The following AKAP13 variants were observed in gnomAD, a reference collection of about 807,000 sequenced individuals.
The protein encoded by AKAP13 is A-kinase anchoring protein 13.
Under a neutral mutation model 264.5 loss-of-function variants are expected in AKAP13, and 80 were observed. The observed-to-expected ratio is 0.30, with a 90% CI of 0.25 to 0.36. The LOEUF (loss-of-function observed/expected upper bound fraction) is 0.36, where lower values mean the gene tolerates loss of function less well. Among genes scored for constraint, AKAP13 ranks in the 10% least tolerant of loss-of-function variants. The pLI, the probability that AKAP13 is intolerant of heterozygous loss-of-function variation, is 1.00. For synonymous variants in AKAP13, 1,380 were observed against 1,250.2 expected (o/e 1.10, Z -2.19); for missense variants, 3,712 against 3,435.2 (o/e 1.08, Z -2.01).
chr15:85,426,593 G>A (rs2072789824), intron 1 of AKAP13, among the ~76,000 whole-genome samples: 1 of 152,128 alleles, frequency 6.6e-6, no homozygotes, highest in East Asian at 1.9e-4. Flanking sequence ...AAATGTAAAT[G>A]AGAGAAAATA....
Position 85,727,203 on chromosome 15 carries a change from A to G in AKAP13, c.6960A>G (p.Glu2320=). 6.2e-7 allele frequency: 1 copy of G among 1,614,198 alleles called. No homozygotes were observed. ...MVEVHASSKE[E]RNSWIQIIQD... ...AAGTCCATGCCAGCTCCAAAGAGGA[A>G]CGAAACAGCTGGATTCAGATCATTC... The change falls in exon 28 of 37, where the codon GAA becomes GAG. Residue 2320 remains glutamate (E), a synonymous_variant. Coordinates refer to ENST00000394518, the MANE Select transcript of AKAP13 (RefSeq NM_007200.5). The surrounding 1 kb of genome is among the most constrained non-coding windows in gnomAD (Gnocchi z 5.3).
At chr15:85,433,951 A>T (rs1196901940) in intron 1 of AKAP13, among the ~76,000 whole-genome samples, 1 of 151,982 alleles carries the variant, frequency 6.6e-6, no homozygotes, top group African/African-American at 2.4e-5. Flanking sequence ...AAAAAATAAA[A>T]AAATAAAAAA....
chr15:85,498,273 TA>T (rs2075944845), intron 2 of AKAP13, among the ~76,000 whole-genome samples: 1 of 150,324 alleles, frequency 6.7e-6, no homozygotes, highest in African/African-American at 2.4e-5. Context: ...TAGGTGGTTT[TA>T]AAAAGAGACG....
intron 1 of AKAP13, among the ~76,000 whole-genome samples, chr15:85,401,468 A>G (rs777922668): frequency 1.3e-5 from 2 of 152,114 alleles, no homozygotes; most frequent in Non-Finnish European, 2.9e-5. Flanking sequence ...GCCAGCTTTG[A>G]TTTGTTTTCT....
At chr15:85,651,293 CAATT>C (rs2082831467) in intron 10 of AKAP13, among the ~76,000 whole-genome samples, 1 of 152,132 alleles carries the variant, frequency 6.6e-6, no homozygotes, top group Admixed American at 6.5e-5. Context: ...TTAGATCCTA[CAATT>C]AACTTTTAAT....
chr15:85,560,297 C>T (rs1451246458), intron 5 of AKAP13, among the ~76,000 whole-genome samples: 3 of 151,990 alleles, frequency 2.0e-5, no homozygotes, highest in East Asian at 1.9e-4. Flanking sequence ...CAGGTGTGCA[C>T]CACCAGGCCG....
At chr15:85,643,153 A>G (rs531429220) in intron 9 of AKAP13, among the ~76,000 whole-genome samples, 4 of 152,076 alleles carry the variant, frequency 2.6e-5, no homozygotes, top group African/African-American at 9.6e-5. Context: ...TTTTTAAATG[A>G]AAGATTTTCA....
At position 85,581,589 on chromosome 15, in the gene AKAP13, C is replaced by T; in HGVS notation, c.3521C>T (p.Ala1174Val). The T allele has an allele frequency of 6.2e-7, 1 of 1,614,144 alleles. No homozygotes were observed. The highest frequency in any genetic ancestry group is 8.5e-7 in the Non-Finnish European group (1 of 1,180,030). The change falls in exon 7 of 37, where the codon GCT becomes GTT. Residue 1174 changes from alanine (A) to valine (V), a missense_variant. Ala to Val is a moderately conservative substitution (Grantham distance 64, BLOSUM62 0). Around this residue, in one of 3 missense-constraint regions of AKAP13, gnomAD observed 2,759 missense variants for 2,411.7 expected, o/e 1.14. Coordinates refer to ENST00000394518, the MANE Select transcript of AKAP13 (RefSeq NM_007200.5). ...GADHSCTMGD[A>V]EEAQIDDEAH... ...GACCACAGCTGTACCATGGGTGACGCTGAGGAAGCCCAAATAGACGATGAA... is the reference window on the plus strand; with the variant it reads ...GACCACAGCTGTACCATGGGTGACGTTGAGGAAGCCCAAATAGACGATGAA...
chr15:85,707,829 T>G (rs1224520331), intron 17 of AKAP13, among the ~76,000 whole-genome samples, 190 bp from the exon 18 acceptor site: 3 of 151,924 alleles, frequency 2.0e-5, no homozygotes, highest in African/African-American at 7.3e-5. Flanking sequence ...TCTGCTCGTG[T>G]TTTTCCTCCT....
At chr15:85,723,364 C>A in intron 26 of AKAP13, 44 bp downstream of exon 26, 1 of 1,590,490 alleles carries the variant, frequency 6.3e-7, no homozygotes, top group Non-Finnish European at 8.6e-7. Context: ...CCAGGTAAAA[C>A]AGGCAAAAAT....
intron 1 of AKAP13, among the ~76,000 whole-genome samples, chr15:85,382,904 T>A (rs754031121): frequency 1.1e-4 from 16 of 152,228 alleles, no homozygotes; most frequent in Non-Finnish European, 2.2e-4. Context: ...AGAATGACAG[T>A]TCACTTGCAG....
chr15:85,608,520 A>G (rs542960760), intron 8 of AKAP13, among the ~76,000 whole-genome samples: 1 of 152,244 alleles, frequency 6.6e-6, no homozygotes, highest in Non-Finnish European at 1.5e-5. Flanking sequence ...TGAACAACAC[A>G]GGGCAGGACA....
chr15:85,420,713 G>A (rs1412211951), intron 1 of AKAP13, among the ~76,000 whole-genome samples: 1 of 152,246 alleles, frequency 6.6e-6, no homozygotes, highest in East Asian at 1.9e-4. Context: ...TTATCTGAAT[G>A]GGATGGAATT....
Position 85,580,766 on chromosome 15 carries a change from G to T in AKAP13, c.2698G>T (p.Ala900Ser), listed in dbSNP as rs200417750. The T allele has an allele frequency of 1.9e-6, 3 of 1,614,144 alleles. No homozygotes were observed. In the South Asian group the frequency reaches 3.3e-5, roughly 18 times the overall value. The change falls in exon 7 of 37, where the codon GCC becomes TCC. Residue 900 changes from alanine to serine, a missense_variant. Physicochemically the swap from Ala to Ser is moderately conservative, Grantham distance 99. Around this residue, in one of 3 missense-constraint regions of AKAP13, gnomAD observed 2,759 missense variants for 2,411.7 expected, o/e 1.14. Transcript: ENST00000394518. The part of the protein sequence containing the change: ...TDSSLQSVGK[A>S]TLALDSVLTE... Reference sequence around the variant, plus strand: ...CTCTTCCCTGCAAAGTGTGGGTAAGGCCACTTTGGCTTTAGATTCAGTTTT... The same window carrying T: ...CTCTTCCCTGCAAAGTGTGGGTAAGTCCACTTTGGCTTTAGATTCAGTTTT...
chr15:85,605,106 C>T (rs1335545577), intron 8 of AKAP13, among the ~76,000 whole-genome samples: 3 of 118,828 alleles, frequency 2.5e-5, no homozygotes, highest in Non-Finnish European at 3.7e-5. Flanking sequence ...AAACTATTCC[C>T]GACAGTCAGC....
intron 1 of AKAP13, among the ~76,000 whole-genome samples, chr15:85,429,502 T>G: frequency 6.6e-6 from 1 of 152,214 alleles, no homozygotes; most frequent in Non-Finnish European, 1.5e-5. Context: ...CATGATTTGG[T>G]CCTAGGTGCC....
chr15:85,744,640 C>G lies in AKAP13; in HGVS notation c.8405C>G (p.Ser2802Ter). Residue 2802 changes from serine (S) to a stop codon, truncating the protein, a stop_gained, in exon 37 of 37, where the codon TCA becomes TGA. Coordinates refer to ENST00000394518, the MANE Select transcript of AKAP13 (RefSeq NM_007200.5). LOFTEE classifies it high-confidence loss of function. ...SRSQPGDGPASEVSAEGEEIF... is the reference protein window; with the variant it reads ...SRSQPGDGPA ...TTCACATTTCCAGATGGTCCCGCGTCAGAAGTATCAGCAGAGGGTGAAGAG... is the reference window on the plus strand; with the variant it reads ...TTCACATTTCCAGATGGTCCCGCGTGAGAAGTATCAGCAGAGGGTGAAGAG... 1.2e-6 allele frequency: 2 copies of G among 1,613,680 alleles called. No homozygotes were observed. Among genetic ancestry groups the G allele is most frequent in the Non-Finnish European group, 1.7e-6 (2 of 1,179,876 alleles).
intron 1 of AKAP13, among the ~76,000 whole-genome samples, chr15:85,390,123 A>C (rs574827176): frequency 1.8e-4 from 28 of 152,268 alleles, no homozygotes; most frequent in African/African-American, 6.7e-4. Context: ...TAATTTTTTC[A>C]AGTATCTTTT....
intron 12 of AKAP13, among the ~76,000 whole-genome samples, chr15:85,663,691 C>T (rs1007967589): frequency 4.6e-5 from 7 of 152,126 alleles, no homozygotes; most frequent in East Asian, 1.9e-4. Flanking sequence ...AAGAAGTTTC[C>T]GCTGCAGTTG....
Sources: allele counts gnomAD v4.1 joint callset (sites outside exome capture counted in the v4.1 genomes callset), GRCh38; gene constraint gnomAD v4.1.1; regional missense constraint gnomAD v4.1.1; non-coding constraint Gnocchi (gnomAD v3.1); transcripts MANE v1.5; gene names NCBI Gene and HGNC (gene_info 2026-07-23, HGNC 2026-07-21).